The following SRGAP2 variants were observed in gnomAD, a reference collection of about 807,000 sequenced individuals.
SRGAP2 encodes the protein SLIT-ROBO Rho GTPase-activating protein 2.
SRGAP2 carries 15 observed loss-of-function variants against 57.2 expected under a neutral mutation model. That is an observed-to-expected ratio of 0.26 (90% CI 0.18 to 0.40). The LOEUF is 0.40. Among genes scored for constraint, SRGAP2 ranks in the 10% least tolerant of loss-of-function variants. The probability of loss-of-function intolerance (pLI) is 1.00; values close to 1 mark genes in which losing one functional copy is unlikely to be tolerated. For missense variants in SRGAP2, 520 were observed against 669.6 expected (o/e 0.78, Z 2.47); for synonymous variants, 249 against 248.0 (o/e 1.00, Z -0.04).
chr1:206,369,273 A>C lies in SRGAP2; in HGVS notation c.424-14741A>C, dbSNP rs1553342195. 2.0e-5 allele frequency among the ~76,000 whole-genome samples: 3 copies of C among 152,212 alleles called. No homozygotes were observed. The East Asian group carries it at 5.8e-4, about 29-fold the overall frequency. ...TAACTCAAAATGGATCAAAGGCATA[A>C]ATGCAAGAGCCAAAACTATAAAACT... On this transcript the variant is annotated intron_variant, in intron 4 of 22. Transcript: ENST00000573034.
chr1:206,435,729 A>G (rs1236048724), intron 14 of SRGAP2, among the ~76,000 whole-genome samples: 1 of 152,244 alleles, frequency 6.6e-6, no homozygotes, highest in Non-Finnish European at 1.5e-5. Context: ...ACTATCACTC[A>G]TCAATCCCCT....
intron 22 of SRGAP2, among the ~76,000 whole-genome samples, chr1:206,460,233 G>A (rs374985078): frequency 6.6e-6 from 1 of 152,222 alleles, no homozygotes; most frequent in Admixed American, 6.5e-5. Flanking sequence ...AGGTTTATGG[G>A]GAGGGAGCGG....
At chr1:206,460,469 C>T (rs1486576772) in intron 22 of SRGAP2, among the ~76,000 whole-genome samples, 1 of 152,076 alleles carries the variant, frequency 6.6e-6, no homozygotes, top group African/African-American at 2.4e-5. Flanking sequence ...GGACACTGCC[C>T]TGAGTTGGGG....
intron 7 of SRGAP2, among the ~76,000 whole-genome samples, chr1:206,394,464 G>A (rs1553352731): frequency 6.6e-6 from 1 of 152,128 alleles, no homozygotes; most frequent in African/African-American, 2.4e-5. Flanking sequence ...AGCATTTAAG[G>A]TTTCTCAGTG....
rs1553355620 is a variant in SRGAP2, at chr1:206,401,576, C to A, written c.987C>A (p.Leu329=). The part of the protein sequence containing the change: ...NLDATSDKQR[L]MEMYNNVFCP... Reference sequence around the variant, plus strand: ...ATGCCACCAGTGACAAGCAGCGCCTCATGGAGATGTACAACAACGTCTTCT... The same window carrying A: ...ATGCCACCAGTGACAAGCAGCGCCTAATGGAGATGTACAACAACGTCTTCT... The change falls in exon 8 of 23, where the codon CTC becomes CTA. Residue 329 remains leucine, a synonymous_variant. Transcript: ENST00000573034. The A allele has an allele frequency of 1.6e-6, 1 of 641,978 alleles. No homozygotes were observed. Among genetic ancestry groups the A allele is most frequent in the East Asian group, 2.7e-5 (1 of 36,478 alleles). 39.8% of individuals were successfully genotyped at this position (641,978 alleles called of 1,614,324 possible).
At position 206,461,450 on chromosome 1, in the gene SRGAP2, G is replaced by A. The variant is rs1664261066; in HGVS notation, c.*30G>A. ...TAATAATTTAATTGTTCTAGACAAGGGGACTATAGGGACTGACTGTTATTA... is the reference window on the plus strand; with the variant it reads ...TAATAATTTAATTGTTCTAGACAAGAGGACTATAGGGACTGACTGTTATTA... On this transcript the variant is annotated 3_prime_UTR_variant, in exon 23 of 23. Transcript: ENST00000573034. 1 of 691,590 alleles carries A rather than the reference G, an allele frequency of 1.4e-6. No individual in the cohort carries two copies. Among genetic ancestry groups the A allele is most frequent in the Admixed American group, 2.2e-5 (1 of 44,886 alleles). The allele number at this position is 691,590 out of a possible 1,614,324, so 42.8% of individuals were successfully genotyped here.
intron 2 of SRGAP2, among the ~76,000 whole-genome samples, chr1:206,302,303 T>C (rs1264822160): frequency 6.6e-6 from 1 of 151,444 alleles, no homozygotes; most frequent in Non-Finnish European, 1.5e-5. Flanking sequence ...CTGCTTCCTG[T>C]GAGTGCCAGG....
At chr1:206,412,394 G>A (rs1659296777) in intron 10 of SRGAP2, among the ~76,000 whole-genome samples, 1 of 152,148 alleles carries the variant, frequency 6.6e-6, no homozygotes, top group Non-Finnish European at 1.5e-5. Flanking sequence ...GTTGGGGGTG[G>A]GCACTGGTCA....
At chr1:206,327,241 C>A (rs1445990374) in intron 3 of SRGAP2, among the ~76,000 whole-genome samples, 1 of 151,640 alleles carries the variant, frequency 6.6e-6, no homozygotes, top group Non-Finnish European at 1.5e-5. Context: ...GCAGGAGAAT[C>A]GCTTGAACCC....
chr1:206,433,445 C>T (rs1661439433), intron 14 of SRGAP2, among the ~76,000 whole-genome samples: 1 of 151,978 alleles, frequency 6.6e-6, no homozygotes, highest in African/African-American at 2.4e-5. Context: ...TCAAGACCAG[C>T]CTGGCCAACA....
At chr1:206,366,731 C>G (rs1654048113) in intron 4 of SRGAP2, among the ~76,000 whole-genome samples, 1 of 149,420 alleles carries the variant, frequency 6.7e-6, no homozygotes, top group Non-Finnish European at 1.5e-5. Context: ...CTGAAAGCCC[C>G]CATTGTCTTC....
intron 10 of SRGAP2, among the ~76,000 whole-genome samples, chr1:206,413,864 G>T (rs985885460): frequency 6.6e-6 from 1 of 152,086 alleles, no homozygotes; most frequent in African/African-American, 2.4e-5. Flanking sequence ...GGACCATCTG[G>T]GTGAACATGG....
intron 2 of SRGAP2, among the ~76,000 whole-genome samples, chr1:206,240,285 A>AT (rs1376982105): frequency 1.4e-5 from 2 of 138,238 alleles, no homozygotes; most frequent in Non-Finnish European, 3.2e-5. Context: ...AAAAAAAAAA[A>AT]GACATTGACT....
At chr1:206,352,576 CCTT>C (rs1367073375) in intron 4 of SRGAP2, among the ~76,000 whole-genome samples, 2 of 104,906 alleles carry the variant, frequency 1.9e-5, no homozygotes, top group Admixed American at 9.9e-5. Flanking sequence ...CATGAACCCT[CCTT>C]CTCTCCACTT....
At chr1:206,256,543 A>G (rs1468190294) in intron 2 of SRGAP2, among the ~76,000 whole-genome samples, 2 of 148,894 alleles carry the variant, frequency 1.3e-5, no homozygotes, top group Admixed American at 1.3e-4. Flanking sequence ...CTAATAGATG[A>G]CAGGGAGAAT....
At chr1:206,426,879 G>T (rs1461849060) in intron 13 of SRGAP2, among the ~76,000 whole-genome samples, 4 of 152,106 alleles carry the variant, frequency 2.6e-5, no homozygotes, top group African/African-American at 9.7e-5. Context: ...CTTATCAGGT[G>T]GATAGTTTGC....
rs370966048 is a variant in SRGAP2 at position 206,458,807 on chromosome 1, C to T, written c.2692C>T (p.His898Tyr). ...EGPDKCSISG[H>Y]GSLNSISRHS... ...GCCAGATAAGTGTTCCATCAGTGGG[C>T]ACGGGAGCCTCAACTCCATCAGCCG... Residue 898 changes from histidine (H) to tyrosine (Y), a missense_variant, in exon 22 of 23, where the codon CAC (histidine) becomes TAC (tyrosine). Coordinates refer to ENST00000573034, the MANE Select transcript of SRGAP2 (RefSeq NM_015326.5). The T allele has an allele frequency of 1.3e-6, 1 of 780,750 alleles. No homozygotes were observed. Among genetic ancestry groups the T allele is most frequent in the Non-Finnish European group, 2.4e-6 (1 of 417,954 alleles). The allele number at this position is 780,750 out of a possible 1,614,324, so 48.4% of individuals were successfully genotyped here.
intron 4 of SRGAP2, among the ~76,000 whole-genome samples, chr1:206,352,846 G>A (rs1553338489): frequency 4.6e-5 from 7 of 151,940 alleles, no homozygotes. Flanking sequence ...AAGAGATGGA[G>A]TCTCTGTCCC....
At chr1:206,321,745 A>G (rs1673465756) in intron 3 of SRGAP2, among the ~76,000 whole-genome samples, 1 of 148,936 alleles carries the variant, frequency 6.7e-6, no homozygotes, top group Admixed American at 6.7e-5. Flanking sequence ...ATTGTTCTAT[A>G]TTTGGCCAAT....
Sources: allele counts gnomAD v4.1 joint callset (sites outside exome capture counted in the v4.1 genomes callset), GRCh38; gene constraint gnomAD v4.1.1; transcripts MANE v1.5; gene names NCBI Gene and HGNC (gene_info 2026-07-23, HGNC 2026-07-21).